The following KMT2D variants were observed in gnomAD, a reference collection of about 807,000 sequenced individuals.
KMT2D encodes the protein histone-lysine N-methyltransferase 2D.
In KMT2D, 55 loss-of-function variants were observed where a neutral mutation model predicts 512.7. The ratio of observed to expected loss-of-function variants is 0.11; its 90% CI spans 0.09 to 0.13. The LOEUF (loss-of-function observed/expected upper bound fraction) is 0.13, where lower values mean the gene tolerates loss of function less well. KMT2D is among the 10% of genes least tolerant of loss of function. The pLI, the probability that KMT2D is intolerant of heterozygous loss-of-function variation, is 1.00. For missense variants in KMT2D, 6,061 were observed against 7,127.9 expected, an observed-to-expected ratio of 0.85 and a Z score of 5.39; for synonymous variants, 2,995 against 2,904.0, an observed-to-expected ratio of 1.03 and a Z score of -1.01.
rs893070484 is a variant in KMT2D at position 49,026,032 on chromosome 12, G to C, written c.15784+150C>G. 8.9e-6 allele frequency: 6 copies of C among 671,580 alleles called. No homozygotes were observed. The highest frequency in any genetic ancestry group is 1.4e-5 in the Non-Finnish European group (6 of 414,682). The allele number at this position is 671,580 out of a possible 1,614,324, so 41.6% of individuals were successfully genotyped here. Reference sequence around the variant, plus strand: ...AGAGAGGCTCAAACACTTTCACTGGGAGTTTTCAAGAGACCCCCTGCCTGC... The same window carrying C: ...AGAGAGGCTCAAACACTTTCACTGGCAGTTTTCAAGAGACCCCCTGCCTGC... On this transcript the variant is annotated intron_variant, in intron 49 of 54. Coordinates refer to ENST00000301067, the MANE Select transcript of KMT2D (RefSeq NM_003482.4). This position sits in a 1 kb window ranked among gnomAD's most constrained non-coding sequence, Gnocchi z 9.6.
rs746969301 is a variant in KMT2D, at chr12:49,046,080, C to T, written c.4678G>A (p.Val1560Met). ...GFDCVSCQPY[V>M]VKPVAPVAPP... The stretch of plus-strand genomic sequence containing the variant: ...TGGTACTCACCCACAGGCTTTACCA[C>T]GTAGGGCTGGCAGGAGACACAGTCA... Residue 1560 changes from valine (V) to methionine (M), a missense_variant, in exon 18 of 55, where the codon GTG (valine) becomes ATG (methionine). Transcript: ENST00000301067. The surrounding 1 kb of genome is among the most constrained non-coding windows in gnomAD (Gnocchi z 4.2). 2 of 1,611,610 alleles carry T rather than the reference C, an allele frequency of 1.2e-6. No individual in the cohort carries two copies. The highest frequency in any genetic ancestry group is 1.7e-6 in the Non-Finnish European group (2 of 1,178,756).
intron 46 of KMT2D, 92 bp from the exon 47 acceptor site, chr12:49,028,233 G>A: frequency 1.3e-6 from 2 of 1,493,436 alleles, no homozygotes; most frequent in Non-Finnish European, 1.8e-6. Flanking sequence ...AGGACACCTA[G>A]AACCCACTCC....
chr12:49,055,290 T>A lies in KMT2D; in HGVS notation c.35A>T (p.Asp12Val). The A allele has an allele frequency of 6.2e-7, 1 of 1,614,058 alleles. No homozygotes were observed. The highest frequency in any genetic ancestry group is 1.1e-5 in the South Asian group (1 of 91,084). ...DSQKLAGEDK[D>V]SEPAADGPAA... ...GTCCTACTCACCTGCCGGTTCTGAA[T>A]CTTTATCCTCACCAGCCAGCTTCTG... The change falls in exon 2 of 55, where the codon GAT becomes GTT. Residue 12 changes from aspartate to valine, a missense_variant. Transcript: ENST00000301067.
intron 19 of KMT2D, among the ~76,000 whole-genome samples, chr12:49,045,688 T>C (rs1276071385): frequency 1.3e-5 from 2 of 148,936 alleles, no homozygotes; most frequent in East Asian, 1.9e-4. Context: ...ATCCTAGCAG[T>C]GAAGAGACCA....
Position 49,043,124 on chromosome 12 carries a change from G to C in KMT2D, c.5596C>G (p.Pro1866Ala), listed in dbSNP as rs2120563893. The change falls in exon 26 of 55, where the codon CCA becomes GCA. Residue 1866 changes from proline to alanine, a missense_variant. By Grantham distance (27) the Pro-to-Ala change is conservative. Around this residue, in one of 16 missense-constraint regions of KMT2D, gnomAD observed 640 missense variants for 814.3 expected, o/e 0.79. Coordinates refer to ENST00000301067, the MANE Select transcript of KMT2D (RefSeq NM_003482.4). ...VPSDPEKPGT[P>A]GEGMLSSDLD... Reference sequence around the variant, plus strand: ...TCAGAGCTAAGCATCCCTTCACCTGGGGTGCCTGGCTTCTCAGGGTCACTG... The same window carrying C: ...TCAGAGCTAAGCATCCCTTCACCTGCGGTGCCTGGCTTCTCAGGGTCACTG... 2 of 1,613,960 alleles carry C rather than the reference G, an allele frequency of 1.2e-6. No individual in the cohort carries two copies. Among genetic ancestry groups the C allele is most frequent in the African/African-American group, 1.3e-5 (1 of 75,028 alleles).
intron 19 of KMT2D, among the ~76,000 whole-genome samples, chr12:49,045,674 C>T (rs1388497727): frequency 4.7e-5 from 7 of 150,532 alleles, no homozygotes; most frequent in Non-Finnish European, 8.9e-5. Context: ...GATCTGAAGA[C>T]GAAATCCTAG....
chr12:49,028,714 A>T (rs1592109752), intron 46 of KMT2D, 114 bp downstream of exon 46: 2 of 1,366,170 alleles, frequency 1.5e-6, no homozygotes, highest in East Asian at 4.6e-5. Context: ...TTTCACATAC[A>T]ATAGGTACTC....
In KMT2D at chr12:49,038,886, T is replaced by C. The variant is rs1190017036; in HGVS notation, c.8470A>G (p.Thr2824Ala). The change falls in exon 35 of 55, where the codon ACA becomes GCA. Residue 2824 changes from threonine to alanine, a missense_variant. Transcript: ENST00000301067. This position sits in a 1 kb window ranked among gnomAD's most constrained non-coding sequence, Gnocchi z 5.7. ...GCAAATCGCATGGAGGTTGCTGCTGTTGCCTGTTGTTGCTGCCACAGTTGT... is the reference window on the plus strand; with the variant it reads ...GCAAATCGCATGGAGGTTGCTGCTGCTGCCTGTTGTTGCTGCCACAGTTGT... ...QQQLWQQQQA[T>A]AATSMRFAMS... 3.9e-6 allele frequency: 6 copies of C among 1,551,664 alleles called. No homozygotes were observed. Among genetic ancestry groups the C allele is most frequent in the Admixed American group, 2.0e-5 (1 of 51,002 alleles).
At chr12:49,028,205 A>C in intron 46 of KMT2D, 64 bp from the exon 47 acceptor site, 1 of 1,603,632 alleles carries the variant, frequency 6.2e-7, no homozygotes, top group Non-Finnish European at 8.5e-7. Context: ...GAGCTCTACT[A>C]CCAGCTGGGT....
chr12:49,058,721 C>T (rs546833155), intron 1 of KMT2D, among the ~76,000 whole-genome samples: 5 of 152,272 alleles, frequency 3.3e-5, no homozygotes, highest in Admixed American at 2.0e-4. Context: ...GTTAACAATC[C>T]CTGGTCAAAA....
chr12:49,049,721 C>T lies in KMT2D; in HGVS notation c.3867G>A (p.Gly1289=), dbSNP rs1351658072. 2 of 1,602,964 alleles carry T rather than the reference C, an allele frequency of 1.2e-6. No individual in the cohort carries two copies. The highest frequency in any genetic ancestry group is 3.4e-5 in the Admixed American group (2 of 59,624). ...ISGGKAEGEK[G]RRRSSPARSR... is the part of the protein sequence containing the mutation. The stretch of plus-strand genomic sequence containing the variant: ...AACGGGCTGGGGAGCTGCGCCGCCG[C>T]CCCTTCTCCCCCTCAGCTTTGCCTC... Residue 1289 remains glycine, a synonymous_variant, in exon 12 of 55, where the codon GGG becomes GGA. Transcript: ENST00000301067.
In KMT2D at chr12:49,031,233, A is replaced by G. The variant is rs1298743172; in HGVS notation, c.13472T>C (p.Ile4491Thr). The change falls in exon 40 of 55, where the codon ATT becomes ACT. Residue 4491 changes from isoleucine (I) to threonine (T), a missense_variant. This residue lies in a region of KMT2D where 1,600 missense variants were observed against 1,754.9 expected (regional missense o/e 0.91). Transcript: ENST00000301067. ...EGLRAEINGH[I>T]DSKLAGLEQK... Reference sequence around the variant, plus strand: ...CTCCAGCCCAGCCAGCTTGCTGTCAATGTGCCCGTTGATCTCAGCTCGCAG... The same window carrying G: ...CTCCAGCCCAGCCAGCTTGCTGTCAGTGTGCCCGTTGATCTCAGCTCGCAG... The G allele has an allele frequency of 1.2e-6, 2 of 1,612,788 alleles. No homozygotes were observed. The highest frequency in any genetic ancestry group is 1.7e-6 in the Non-Finnish European group (2 of 1,179,418).
chr12:49,047,406 C>CTTTTT (rs57252968), intron 15 of KMT2D, among the ~76,000 whole-genome samples: 43 of 93,888 alleles, frequency 4.6e-4, no homozygotes, highest in East Asian at 9.2e-4. Context: ...CCAGTTTTTC[C>CTTTTT]TTTTTTTTTT....
chr12:49,051,744 G>A lies in KMT2D; in HGVS notation c.1939C>T (p.Pro647Ser), dbSNP rs200106242. ...GGGGATAGGCGCGATACCTCAGGTG[G>A]GGGGGACATAGGTGATTCTTCAGGT... Reference protein sequence around the residue: ...PPPEESPMSPPPEVSRLSPLP... With the variant: ...PPPEESPMSPSPEVSRLSPLP... The change falls in exon 11 of 55, where the codon CCA becomes TCA. Residue 647 changes from proline (P) to serine (S), a missense_variant. Physicochemically the swap from Pro to Ser is moderately conservative, Grantham distance 74 (BLOSUM62 -1). This residue lies in a region of KMT2D where 848 missense variants were observed against 838.5 expected (regional missense o/e 1.01). Coordinates refer to ENST00000301067, the MANE Select transcript of KMT2D (RefSeq NM_003482.4). 1 of 1,589,328 alleles carries A rather than the reference G, an allele frequency of 6.3e-7. No homozygotes were observed. Among genetic ancestry groups the A allele is most frequent in the African/African-American group, 1.4e-5 (1 of 73,998 alleles).
At position 49,042,974 on chromosome 12, in the gene KMT2D, C is replaced by T; in HGVS notation, c.5645-96G>A. 3 of 1,570,384 alleles carry T rather than the reference C, an allele frequency of 1.9e-6. No homozygotes were observed. The highest frequency in any genetic ancestry group is 2.6e-6 in the Non-Finnish European group (3 of 1,143,382). Reference sequence around the variant, plus strand: ...TCATGGCCAGGAACAGTCCAGGACTCCCCACCAGAGAAGCTGTACAGATCA... The same window carrying T: ...TCATGGCCAGGAACAGTCCAGGACTTCCCACCAGAGAAGCTGTACAGATCA... On this transcript the variant is annotated intron_variant, in intron 26 of 54. Transcript: ENST00000301067. The surrounding 1 kb of genome is among the most constrained non-coding windows in gnomAD (Gnocchi z 4.4).
chr12:49,053,016 C>G lies in KMT2D; in HGVS notation c.1011G>C (p.Ser337=), dbSNP rs368882441. ...AGAGAGAGTAGTTCTCAAACCACTC[C>G]GAGTTGGGATTCAGTTCTGCTGAGC... ...GAGSAELNPN[S]EWFENYSLCH... The change falls in exon 9 of 55, where the codon TCG becomes TCC. Residue 337 remains serine, a synonymous_variant. Coordinates refer to ENST00000301067, the MANE Select transcript of KMT2D (RefSeq NM_003482.4). The G allele has an allele frequency of 1.2e-6, 2 of 1,614,020 alleles. No individual in the cohort carries two copies. Among genetic ancestry groups the G allele is most frequent in the East Asian group, 2.2e-5 (1 of 44,886 alleles).
Position 49,032,539 on chromosome 12 carries a change from C to G in KMT2D, c.12166G>C (p.Glu4056Gln). 6.2e-7 allele frequency: 1 copy of G among 1,606,276 alleles called. No homozygotes were observed. ...GGPLAIGTTP[E>Q]SMATEPGEVK... is the part of the protein sequence containing the mutation. ...TCTCCTGGTTCAGTGGCCATTGACTCAGGGGTAGTTCCTATTGCTAACGGC... is the reference window on the plus strand; with the variant it reads ...TCTCCTGGTTCAGTGGCCATTGACTGAGGGGTAGTTCCTATTGCTAACGGC... The change falls in exon 40 of 55, where the codon GAG becomes CAG. Residue 4056 changes from glutamate to glutamine, a missense_variant. This residue lies in a region of KMT2D where 1,600 missense variants were observed against 1,754.9 expected (regional missense o/e 0.91). Coordinates refer to ENST00000301067, the MANE Select transcript of KMT2D (RefSeq NM_003482.4).
chr12:49,029,000 T>C (rs768863417), intron 45 of KMT2D, 42 bp from the exon 46 acceptor site: 2 of 1,609,030 alleles, frequency 1.2e-6, no homozygotes, highest in African/African-American at 2.7e-5. Context: ...TGGCCGCCTC[T>C]CCCCCAGCTT....
At position 49,044,668 on chromosome 12, in the gene KMT2D, T is replaced by C; in HGVS notation, c.4963+76A>G. 1 of 1,552,204 alleles carries C rather than the reference T, an allele frequency of 6.4e-7. No individual in the cohort carries two copies. Among genetic ancestry groups the C allele is most frequent in the East Asian group, 2.3e-5 (1 of 44,258 alleles). On this transcript the variant is annotated intron_variant, in intron 20 of 54. Transcript: ENST00000301067. This position sits in a 1 kb window ranked among gnomAD's most constrained non-coding sequence, Gnocchi z 6.4. ...GCTTAAGGGTAACTGAGTGGCAATG[T>C]AGCCCCCACCCAACATCCCACTCCC...
Sources: allele counts gnomAD v4.1 joint callset (sites outside exome capture counted in the v4.1 genomes callset), GRCh38; gene constraint gnomAD v4.1.1; regional missense constraint gnomAD v4.1.1; non-coding constraint Gnocchi (gnomAD v3.1); transcripts MANE v1.5; gene names NCBI Gene and HGNC (gene_info 2026-07-23, HGNC 2026-07-21).